Variants in TENM2 observed in about 807,000 individuals in gnomAD.
TENM2 encodes teneurin transmembrane protein 2.
A neutral mutation model predicts 245.2 loss-of-function variants in TENM2; 52 were observed. The observed-to-expected ratio is 0.21, with a 90% CI of 0.17 to 0.27. The LOEUF is 0.27. Ranked by LOEUF, TENM2 falls within the 10% of genes least tolerant of loss-of-function variation. The pLI is 1.00. For missense variants in TENM2, 3,046 were observed against 3,666.8 expected, an observed-to-expected ratio of 0.83 and a Z score of 4.37; for synonymous variants, 1,363 against 1,438.9, an observed-to-expected ratio of 0.95 and a Z score of 1.19.
chr5:168,133,945 A>G (rs1754810630), intron 12 of TENM2, among the ~76,000 whole-genome samples: 1 of 152,058 alleles, frequency 6.6e-6, no homozygotes, highest in African/African-American at 2.4e-5. Flanking sequence ...ACTTGAGGTC[A>G]GGAGTTTGAG....
At chr5:167,995,090 C>A (rs145614547) in intron 5 of TENM2, among the ~76,000 whole-genome samples, 1 of 152,072 alleles carries the variant, frequency 6.6e-6, no homozygotes, top group Non-Finnish European at 1.5e-5. Flanking sequence ...GTGAGCACCA[C>A]GGGGAGCCCA....
At chr5:167,789,474 A>G (rs1764802631) in intron 2 of TENM2, among the ~76,000 whole-genome samples, 1 of 152,186 alleles carries the variant, frequency 6.6e-6, no homozygotes, top group African/African-American at 2.4e-5. Flanking sequence ...GTGGATTCCA[A>G]CATTTCTTCT....
chr5:167,169,402 T>C, the TENM2 span, among the ~76,000 whole-genome samples: 1 of 152,160 alleles, frequency 6.6e-6, no homozygotes, highest in East Asian at 1.9e-4. Flanking sequence ...TTTTAGTGAT[T>C]TTCTCTTTTA....
chr5:167,916,409 T>TGAGAA lies in TENM2; in HGVS notation c.713-36177_713-36173dup, dbSNP rs540016853. On this transcript the variant is annotated intron_variant, in intron 3 of 28. Transcript: ENST00000518659. ...TGGTGAAAAATTTAAATCAGATCGGTGAGAAGCAGCAATCTTCATCTCCCC... is the reference window on the plus strand; with the variant it reads ...TGGTGAAAAATTTAAATCAGATCGGTGAGAAGAGAAGCAGCAATCTTCATCTCCCC... 1.6e-3 allele frequency among the ~76,000 whole-genome samples: 249 copies of TGAGAA among 152,128 alleles called. 1 individual carries two copies. Among genetic ancestry groups the TGAGAA allele is most frequent in the African/African-American group, 5.7e-3 (236 of 41,498 alleles).
intron 7 of TENM2, among the ~76,000 whole-genome samples, chr5:168,074,445 G>C (rs1344277739): frequency 6.6e-6 from 1 of 152,086 alleles, no homozygotes; most frequent in Non-Finnish European, 1.5e-5. Flanking sequence ...TTCAGCCTCT[G>C]AAACCCTCCA....
intron 5 of TENM2, among the ~76,000 whole-genome samples, chr5:168,012,012 A>G (rs1414647031): frequency 6.6e-6 from 1 of 152,220 alleles, no homozygotes; most frequent in African/African-American, 2.4e-5. Flanking sequence ...AATTGAAAAT[A>G]TAGGTCTGTT....
the TENM2 span, among the ~76,000 whole-genome samples, chr5:167,101,602 G>A: frequency 2.0e-5 from 3 of 151,442 alleles, no homozygotes; most frequent in Non-Finnish European, 4.4e-5. Flanking sequence ...AGTACAAACG[G>A]CACTGCATTA....
At chr5:167,234,795 G>A in the TENM2 span, among the ~76,000 whole-genome samples, 1 of 152,120 alleles carries the variant, frequency 6.6e-6, no homozygotes, top group African/African-American at 2.4e-5. Context: ...ATGGAACAGA[G>A]AATGAAACAT....
chr5:168,103,739 C>G (rs1794009509), intron 9 of TENM2, among the ~76,000 whole-genome samples: 1 of 151,986 alleles, frequency 6.6e-6, no homozygotes, highest in African/African-American at 2.4e-5. Flanking sequence ...CCTTTGTTCC[C>G]CCTCACACAT....
the TENM2 span, among the ~76,000 whole-genome samples, chr5:167,176,694 C>T: frequency 6.6e-6 from 1 of 152,112 alleles, no homozygotes; most frequent in South Asian, 2.1e-4. Flanking sequence ...GATTTTATGC[C>T]CCTTGAGGAC....
At chr5:167,549,022 C>T (rs962427306) in intron 2 of TENM2, among the ~76,000 whole-genome samples, 1 of 152,186 alleles carries the variant, frequency 6.6e-6, no homozygotes, top group African/African-American at 2.4e-5. Context: ...CTTCTCCTTT[C>T]TCTCTCCGTC....
chr5:168,250,947 C>G (rs890723901), intron 27 of TENM2, among the ~76,000 whole-genome samples: 14 of 152,222 alleles, frequency 9.2e-5, no homozygotes, highest in African/African-American at 3.1e-4. Flanking sequence ...TGAGAAGTGT[C>G]TCCTTTATGG....
the TENM2 span, among the ~76,000 whole-genome samples, chr5:167,242,046 G>GTTT: frequency 1.5e-5 from 2 of 131,498 alleles, no homozygotes; most frequent in Non-Finnish European, 1.6e-5. Context: ...TTTGTTTTTT[G>GTTT]TTTTTTTTTT....
At chr5:167,422,589 T>C (rs1399786007) in intron 2 of TENM2, among the ~76,000 whole-genome samples, 1 of 152,210 alleles carries the variant, frequency 6.6e-6, no homozygotes, top group Non-Finnish European at 1.5e-5. Flanking sequence ...TTATTTTACA[T>C]TTCCCTTCCC....
At chr5:167,717,457 G>A (rs1027472190) in intron 2 of TENM2, among the ~76,000 whole-genome samples, 3 of 152,146 alleles carry the variant, frequency 2.0e-5, no homozygotes, top group Non-Finnish European at 4.4e-5. Context: ...TGGGTTGTAT[G>A]TGAAAGATTC....
chr5:168,230,396 A>G (rs1764748698), intron 25 of TENM2, among the ~76,000 whole-genome samples: 1 of 152,228 alleles, frequency 6.6e-6, no homozygotes, highest in African/African-American at 2.4e-5. Flanking sequence ...TCAGTTCGTA[A>G]ACTGTTTAGT....
intron 14 of TENM2, 70 bp from the exon 17 acceptor site, chr5:168,195,106 C>A: frequency 6.5e-7 from 1 of 1,536,142 alleles, no homozygotes; most frequent in Non-Finnish European, 8.8e-7. Flanking sequence ...GATGAGGGAG[C>A]AGAGGCAGTG....
intron 1 of TENM2, among the ~76,000 whole-genome samples, chr5:167,312,622 T>C (rs1756104995): frequency 1.3e-5 from 2 of 152,176 alleles, no homozygotes; most frequent in Non-Finnish European, 2.9e-5. Context: ...TGATTTCTGA[T>C]TCCTATGGGA....
Position 168,247,164 on chromosome 5 carries a change from G to A in TENM2, c.6225G>A (p.Gln2075=), listed in dbSNP as rs780705272. 6.2e-7 allele frequency: 1 copy of A among 1,613,940 alleles called. No individual in the cohort carries two copies. The highest frequency in any genetic ancestry group is 8.5e-7 in the Non-Finnish European group (1 of 1,179,908). ...AGATTGGCCCCCTGGTGGACAAGCA[G>A]ATCTACAGGTTCTCCGAGGAAGGCA... Residue 2075 remains glutamine (Q), a synonymous_variant, in exon 27 of 29, where the codon CAG becomes CAA. Coordinates refer to ENST00000518659, the Ensembl canonical transcript of TENM2. The surrounding 1 kb of genome is among the most constrained non-coding windows in gnomAD (Gnocchi z 7.8).
Sources: gnomAD v4.1 joint callset for allele counts (sites outside exome capture counted in the v4.1 genomes callset) on GRCh38, gnomAD v4.1.1 for gene constraint, Gnocchi (gnomAD v3.1) non-coding constraint, MANE v1.5 for transcripts, NCBI Gene and HGNC (gene_info 2026-07-23, HGNC 2026-07-21) for gene names.